The following TASP1 variants were observed in gnomAD, a reference collection of about 807,000 sequenced individuals.
TASP1 encodes threonine aspartase 1.
In TASP1, 16 loss-of-function variants were observed where a neutral mutation model predicts 56.6. That is an observed-to-expected ratio of 0.28 (90% CI 0.19 to 0.43). The LOEUF (loss-of-function observed/expected upper bound fraction) is 0.43. TASP1 is among the 20% of genes least tolerant of loss of function. The probability of loss-of-function intolerance (pLI) is 1.00; values close to 1 mark genes in which losing one functional copy is unlikely to be tolerated. For synonymous variants in TASP1, 179 were observed against 184.2 expected (o/e 0.97, Z 0.23); for missense variants, 393 against 511.6 (o/e 0.77, Z 2.24).
At chr20:13,445,367 A>C (rs1055406806) in intron 11 of TASP1, among the ~76,000 whole-genome samples, 1 of 152,218 alleles carries the variant, frequency 6.6e-6, no homozygotes, top group East Asian at 1.9e-4. Context: ...GAAATAATTC[A>C]GTTGAGAAGA....
chr20:13,542,243 A>G (rs1335733335), intron 8 of TASP1, among the ~76,000 whole-genome samples: 3 of 152,186 alleles, frequency 2.0e-5, no homozygotes, highest in Non-Finnish European at 4.4e-5. Flanking sequence ...CTATGTTAAC[A>G]TCACACAAAA....
the TASP1 span, among the ~76,000 whole-genome samples, chr20:13,222,084 CGG>C: frequency 6.6e-6 from 1 of 152,242 alleles, no homozygotes. Flanking sequence ...AGAGGCGGAG[CGG>C]GGGCACGTGC....
At chr20:13,529,677 C>T (rs867719070) in intron 9 of TASP1, among the ~76,000 whole-genome samples, 6 of 152,102 alleles carry the variant, frequency 3.9e-5, no homozygotes, top group Non-Finnish European at 7.4e-5. Context: ...TTCAGTATTC[C>T]CTGCCACTGA....
At chr20:13,302,978 C>T in the TASP1 span, among the ~76,000 whole-genome samples, 7 of 152,118 alleles carry the variant, frequency 4.6e-5, no homozygotes, top group African/African-American at 1.4e-4. Context: ...GTCTTAACGC[C>T]GGGGATTAAA....
chr20:13,517,517 G>A (rs577940152), intron 10 of TASP1, among the ~76,000 whole-genome samples: 9 of 151,966 alleles, frequency 5.9e-5, no homozygotes, highest in African/African-American at 1.4e-4. Flanking sequence ...AAAATCCACC[G>A]AAAATATTAA....
At chr20:13,138,819 T>C in the TASP1 span, among the ~76,000 whole-genome samples, 1 of 152,182 alleles carries the variant, frequency 6.6e-6, no homozygotes, top group Non-Finnish European at 1.5e-5. Context: ...GATATGGAGG[T>C]GAGCTGAGCA....
the TASP1 span, among the ~76,000 whole-genome samples, chr20:13,193,294 A>T: frequency 6.6e-6 from 1 of 152,194 alleles, no homozygotes; most frequent in Non-Finnish European, 1.5e-5. Flanking sequence ...TAAATACACC[A>T]ATTAAAAAGC....
chr20:13,535,454 T>TA (rs2045381778), intron 8 of TASP1, among the ~76,000 whole-genome samples: 1 of 152,150 alleles, frequency 6.6e-6, no homozygotes. Flanking sequence ...ACTGATACAC[T>TA]ATGACAGTAC....
chr20:13,130,326 G>A, the TASP1 span, among the ~76,000 whole-genome samples: 47 of 152,346 alleles, frequency 3.1e-4, no homozygotes, highest in African/African-American at 9.1e-4. Flanking sequence ...AGAAAGAGAA[G>A]CCGGGCTCTG....
chr20:13,314,351 CAAAG>C, the TASP1 span, among the ~76,000 whole-genome samples: 2 of 151,054 alleles, frequency 1.3e-5, no homozygotes, highest in South Asian at 4.2e-4. Context: ...TACAGAAAAA[CAAAG>C]AAAAAATTCC....
the TASP1 span, among the ~76,000 whole-genome samples, chr20:13,341,300 G>C: frequency 6.6e-6 from 1 of 152,174 alleles, no homozygotes; most frequent in Non-Finnish European, 1.5e-5. Context: ...ACCCATTTGG[G>C]AGAGTATGCC....
the TASP1 span, chr20:13,169,051 A>T: frequency 6.6e-6 from 1 of 152,054 alleles, no homozygotes. Flanking sequence ...ATTTCACTTT[A>T]TTGTGCCTGT....
chr20:13,339,838 G>T, the TASP1 span, among the ~76,000 whole-genome samples: 54 of 152,008 alleles, frequency 3.6e-4, no homozygotes, highest in Non-Finnish European at 6.6e-4. Flanking sequence ...CCCAGCTCAC[G>T]CTCAATATGA....
At chr20:13,295,213 C>T in the TASP1 span, among the ~76,000 whole-genome samples, 1 of 152,194 alleles carries the variant, frequency 6.6e-6, no homozygotes, top group African/African-American at 2.4e-5. Flanking sequence ...CTTCTGATCC[C>T]ACCTGCTGTT....
chr20:13,558,748 A>G (rs1400532093), intron 8 of TASP1, among the ~76,000 whole-genome samples: 1 of 152,110 alleles, frequency 6.6e-6, no homozygotes, highest in Non-Finnish European at 1.5e-5. Flanking sequence ...CCCTGATCAT[A>G]TTTCAAAGTT....
the TASP1 span, among the ~76,000 whole-genome samples, chr20:13,283,977 G>A: frequency 2.6e-5 from 4 of 152,320 alleles, no homozygotes; most frequent in Middle Eastern, 3.4e-3. Context: ...AACAGGATAC[G>A]GTGGGAGCAG....
chr20:13,285,740 G>A, the TASP1 span, among the ~76,000 whole-genome samples: 8 of 152,252 alleles, frequency 5.3e-5, no homozygotes, highest in Admixed American at 2.0e-4. Context: ...TCACATAATC[G>A]GACACAATAT....
chr20:13,318,810 C>T, the TASP1 span, among the ~76,000 whole-genome samples: 1 of 152,156 alleles, frequency 6.6e-6, no homozygotes, highest in Non-Finnish European at 1.5e-5. Context: ...AACTACATAG[C>T]CTTCTAGAAA....
the TASP1 span, among the ~76,000 whole-genome samples, chr20:13,313,940 AAG>A: frequency 6.6e-6 from 1 of 152,196 alleles, no homozygotes. Flanking sequence ...AATTCTAAGA[AAG>A]AAACATAAAA....
Sources: allele counts gnomAD v4.1 joint callset (sites outside exome capture counted in the v4.1 genomes callset), GRCh38; gene constraint gnomAD v4.1.1; transcripts MANE v1.5; gene names NCBI Gene and HGNC (gene_info 2026-07-23, HGNC 2026-07-21).